The following FBXO21 variants were observed in gnomAD, a reference collection of about 807,000 sequenced individuals.
The protein encoded by FBXO21 is F-box only protein 21.
A neutral mutation model predicts 76.6 loss-of-function variants in FBXO21; 32 were observed. The ratio of observed to expected loss-of-function variants is 0.42; its 90% CI spans 0.32 to 0.56. FBXO21 has a LOEUF of 0.56. Ranked by LOEUF, FBXO21 falls within the 20% of genes least tolerant of loss-of-function variation. FBXO21 has a pLI of 0.16. For missense variants in FBXO21, 586 were observed against 797.3 expected (o/e 0.73, Z 3.19); for synonymous variants, 328 against 311.5 (o/e 1.05, Z -0.56).
At chr12:117,189,000 C>T (rs923864156) in intron 2 of FBXO21, 6 of 565,156 alleles carry the variant, frequency 1.1e-5, no homozygotes, top group African/African-American at 9.4e-5. Context: ...CCCTCCACCC[C>T]CACTCTCTCT....
chr12:117,165,677 T>C, intron 8 of FBXO21, 60 bp from the exon 9 acceptor site: 1 of 1,485,830 alleles, frequency 6.7e-7, no homozygotes, highest in Non-Finnish European at 9.1e-7. Context: ...AAGACTCTCT[T>C]TTTCAAGGCC....
chr12:117,186,625 T>C, intron 2 of FBXO21, 54 bp from the exon 3 acceptor site: 1 of 1,103,912 alleles, frequency 9.1e-7, no homozygotes, highest in Non-Finnish European at 1.3e-6. Flanking sequence ...GATGCAACTC[T>C]CACTCTCACA....
At chr12:117,186,661 A>C in intron 2 of FBXO21, 90 bp from the exon 3 acceptor site, 1 of 760,256 alleles carries the variant, frequency 1.3e-6, no homozygotes. Context: ...AAAGATGTCC[A>C]CTACTAAAGA....
intron 2 of FBXO21, 111 bp downstream of exon 2, chr12:117,189,116 G>GT: frequency 8.2e-7 from 1 of 1,219,868 alleles, no homozygotes; most frequent in Non-Finnish European, 1.2e-6. Flanking sequence ...GTAAGGGATT[G>GT]TGAGAGCATT....
intron 10 of FBXO21, 135 bp downstream of exon 10, chr12:117,157,738 C>T (rs1314068942): frequency 1.9e-5 from 12 of 630,276 alleles, no homozygotes; most frequent in Non-Finnish European, 3.0e-5. Context: ...CTGTCTTCCC[C>T]GCGGTGCGCA....
At chr12:117,148,041 G>A (rs1414214805) in intron 11 of FBXO21, among the ~76,000 whole-genome samples, 2 of 152,220 alleles carry the variant, frequency 1.3e-5, no homozygotes, top group African/African-American at 4.8e-5. Context: ...CAAAGTCAGG[G>A]CATCAGAGGC....
chr12:117,142,048 C>T lies in FBXO21; in HGVS notation c.*4039G>A, dbSNP rs533173345. ...CAGAGCCCTAATACAGTCATTGCTACGTGGCCATAATACATGTATTCTATA... is the reference window on the plus strand; with the variant it reads ...CAGAGCCCTAATACAGTCATTGCTATGTGGCCATAATACATGTATTCTATA... On this transcript the variant is annotated 3_prime_UTR_variant, in exon 12 of 12. Coordinates refer to ENST00000622495, the MANE Select transcript of FBXO21 (RefSeq NM_015002.3). 5.3e-5 allele frequency: 8 copies of T among 152,338 alleles called. No homozygotes were observed. Among genetic ancestry groups the T allele is most frequent in the Admixed American group, 3.9e-4 (6 of 15,306 alleles). The allele number at this position is 152,338 out of a possible 1,614,324, so 9.4% of individuals were successfully genotyped here. A position where few individuals can be genotyped will look rare whatever the true frequency, so the allele number is the denominator to read the frequency against.
Position 117,146,042 on chromosome 12 carries a change from T to C in FBXO21, c.*45A>G. ...GTCTTCTTCCGGAGTCCCGTTCTCT[T>C]GGAAGATAGCAGCAGCAGCAAAGGT... is the stretch of plus-strand genomic sequence containing the variant. On this transcript the variant is annotated 3_prime_UTR_variant, in exon 12 of 12. Transcript: ENST00000622495. 2.0e-6 allele frequency: 3 copies of C among 1,476,978 alleles called. No homozygotes were observed. The highest frequency in any genetic ancestry group is 2.7e-6 in the Non-Finnish European group (3 of 1,100,762). The allele number at this position is 1,476,978 out of a possible 1,614,324, so 91.5% of individuals were successfully genotyped here. A position where few individuals can be genotyped will look rare whatever the true frequency, so the allele number is the denominator to read the frequency against.
chr12:117,158,937 T>C (rs1326044948), intron 9 of FBXO21, among the ~76,000 whole-genome samples: 2 of 152,200 alleles, frequency 1.3e-5, no homozygotes, highest in Non-Finnish European at 1.5e-5. Flanking sequence ...TCTGACAAGG[T>C]TCTCCTTCCA....
chr12:117,184,903 G>T (rs1956268188), intron 3 of FBXO21, among the ~76,000 whole-genome samples: 1 of 152,124 alleles, frequency 6.6e-6, no homozygotes, highest in African/African-American at 2.4e-5. Flanking sequence ...TACCTATTAT[G>T]TGATCCCAAT....
chr12:117,165,689 A>G, intron 8 of FBXO21, 72 bp from the exon 9 acceptor site: 4 of 1,442,660 alleles, frequency 2.8e-6, no homozygotes, highest in East Asian at 2.3e-5. Flanking sequence ...TTCAAGGCCC[A>G]GGTTTTAAAT....
intron 9 of FBXO21, 138 bp from the exon 10 acceptor site, chr12:117,158,201 G>C: frequency 2.2e-6 from 2 of 913,298 alleles, no homozygotes; most frequent in Non-Finnish European, 3.4e-6. Flanking sequence ...TGATCGAACC[G>C]GTCCAGGTCT....
intron 9 of FBXO21, among the ~76,000 whole-genome samples, chr12:117,160,032 G>A (rs1308211730): frequency 6.6e-6 from 1 of 152,126 alleles, no homozygotes; most frequent in African/African-American, 2.4e-5. Context: ...CACCACTTCT[G>A]GGGTGGAGAT....
At chr12:117,189,391 T>A (rs1434479942) in intron 1 of FBXO21, 29 bp from the exon 2 acceptor site, 1 of 1,613,318 alleles carries the variant, frequency 6.2e-7, no homozygotes, top group Admixed American at 1.7e-5. Flanking sequence ...CCCCTCAGCT[T>A]AACAGAAACT....
At position 117,145,020 on chromosome 12, in the gene FBXO21, C is replaced by G. The variant is rs1484424969; in HGVS notation, c.*1067G>C. On this transcript the variant is annotated 3_prime_UTR_variant, in exon 12 of 12. Transcript: ENST00000622495. ...CATTCAAACAGGCCTTGAAGTGACTCTAAGGAATAACAAGAGGTGTGAAAC... is the reference window on the plus strand; with the variant it reads ...CATTCAAACAGGCCTTGAAGTGACTGTAAGGAATAACAAGAGGTGTGAAAC... The G allele has an allele frequency of 6.6e-6, 1 of 151,200 alleles. No homozygotes were observed. Among genetic ancestry groups the G allele is most frequent in the Non-Finnish European group, 1.5e-5 (1 of 67,864 alleles). 9.4% of individuals were successfully genotyped at this position (151,200 alleles called of 1,614,324 possible). A position where few individuals can be genotyped will look rare whatever the true frequency, so the allele number is the denominator to read the frequency against.
intron 3 of FBXO21, 138 bp downstream of exon 3, chr12:117,186,339 G>T (rs1465044133): frequency 1.2e-5 from 8 of 674,110 alleles, no homozygotes; most frequent in Non-Finnish European, 7.8e-6. Context: ...AATATACACA[G>T]AACTTTTCAA....
At chr12:117,162,076 G>C (rs964010604) in intron 9 of FBXO21, among the ~76,000 whole-genome samples, 11 of 152,318 alleles carry the variant, frequency 7.2e-5, no homozygotes, top group African/African-American at 2.6e-4. Context: ...TTCAGCTCTT[G>C]GGGAGGAGGA....
At chr12:117,158,095 A>G (rs753219366) in intron 9 of FBXO21, 32 bp from the exon 10 acceptor site, 1 of 1,613,054 alleles carries the variant, frequency 6.2e-7, no homozygotes, top group Non-Finnish European at 8.5e-7. Flanking sequence ...CTAAAAGATA[A>G]TATTTTCAGC....
intron 3 of FBXO21, among the ~76,000 whole-genome samples, chr12:117,182,655 C>T (rs1040530008): frequency 2.0e-5 from 3 of 150,038 alleles, no homozygotes; most frequent in Admixed American, 1.3e-4. Context: ...CTCAGCCTCC[C>T]AGGTTCAAGC....
Sources: gnomAD v4.1 joint callset for allele counts (sites outside exome capture counted in the v4.1 genomes callset) on GRCh38, gnomAD v4.1.1 for gene constraint, MANE v1.5 for transcripts, NCBI Gene and HGNC (gene_info 2026-07-23, HGNC 2026-07-21) for gene names.